The following TRPM3 variants were observed in gnomAD, a reference collection of about 807,000 sequenced individuals.
TRPM3 encodes long transient receptor potential channel 3.
TRPM3 carries 77 observed loss-of-function variants against 181.2 expected under a neutral mutation model. That is an observed-to-expected ratio of 0.42 (90% CI 0.35 to 0.51). The LOEUF (loss-of-function observed/expected upper bound fraction) is 0.51. Ranked by LOEUF, TRPM3 falls within the 20% of genes least tolerant of loss-of-function variation. The probability of loss-of-function intolerance (pLI) is 0.01; values close to 1 mark genes in which losing one functional copy is unlikely to be tolerated. For synonymous variants in TRPM3, 745 were observed against 796.4 expected, an observed-to-expected ratio of 0.94 and a Z score of 1.09; for missense variants, 1,759 against 2,196.7, an observed-to-expected ratio of 0.80 and a Z score of 3.98.
At chr9:71,128,378 T>C (rs1252408143) in intron 1 of TRPM3, among the ~76,000 whole-genome samples, 2 of 152,200 alleles carry the variant, frequency 1.3e-5, no homozygotes, top group African/African-American at 4.8e-5. Flanking sequence ...AAAATACAAC[T>C]TTATTCAGCC....
chr9:70,751,303 A>G (rs2076095780), intron 8 of TRPM3, among the ~76,000 whole-genome samples: 1 of 152,166 alleles, frequency 6.6e-6, no homozygotes, highest in Non-Finnish European at 1.5e-5. Context: ...GATGAAATGA[A>G]ATGCAAGACA....
rs2097126266 is a variant in TRPM3, at chr9:70,960,514, T to C, written c.178-96003A>G. Among the ~76,000 whole-genome samples, 4 of 152,150 alleles carry C rather than the reference T, an allele frequency of 2.6e-5. No individual in the cohort carries two copies. In the South Asian group the frequency reaches 8.3e-4, roughly 32 times the overall value. ...GAAGTACTTCCCATCCCTCTGAATATTGGTATTTTGAAGCATGATGATAAT... is the reference window on the plus strand; with the variant it reads ...GAAGTACTTCCCATCCCTCTGAATACTGGTATTTTGAAGCATGATGATAAT... On this transcript the variant is annotated intron_variant, in intron 1 of 25. Coordinates refer to ENST00000677713, the MANE Select transcript of TRPM3 (RefSeq NM_001366145.2).
chr9:71,268,935 G>A (rs944727599), intron 1 of TRPM3, among the ~76,000 whole-genome samples: 1 of 152,178 alleles, frequency 6.6e-6, no homozygotes, highest in Non-Finnish European at 1.5e-5. Flanking sequence ...TTCATGAGAG[G>A]AGTAAGGTTA....
chr9:70,807,195 G>A (rs1166003319), intron 6 of TRPM3, among the ~76,000 whole-genome samples: 3 of 152,134 alleles, frequency 2.0e-5, no homozygotes, highest in African/African-American at 7.2e-5. Flanking sequence ...TTATCATTTT[G>A]AATAAATGGA....
At chr9:70,810,963 C>T (rs1039991376) in intron 6 of TRPM3, among the ~76,000 whole-genome samples, 6 of 152,134 alleles carry the variant, frequency 3.9e-5, no homozygotes, top group African/African-American at 7.2e-5. Context: ...CCAATAGTGC[C>T]GTCAAGCTGT....
chr9:70,845,621 C>T (rs2132058697), intron 4 of TRPM3, among the ~76,000 whole-genome samples: 1 of 152,300 alleles, frequency 6.6e-6, no homozygotes, highest in South Asian at 2.1e-4. Context: ...TCCACATGTA[C>T]AGACTTTGGG....
intron 8 of TRPM3, among the ~76,000 whole-genome samples, chr9:70,756,757 A>T (rs1193719260): frequency 6.6e-6 from 1 of 152,228 alleles, no homozygotes; most frequent in Non-Finnish European, 1.5e-5. Flanking sequence ...AATGAAATTA[A>T]GGCAGAAATA....
intron 1 of TRPM3, among the ~76,000 whole-genome samples, chr9:70,920,975 C>T (rs1383278115): frequency 6.6e-6 from 1 of 152,146 alleles, no homozygotes; most frequent in East Asian, 1.9e-4. Context: ...TACATATTTT[C>T]CTTTGGTGTC....
intron 1 of TRPM3, among the ~76,000 whole-genome samples, chr9:71,082,713 T>C (rs1328410643): frequency 6.6e-6 from 1 of 152,136 alleles, no homozygotes; most frequent in Non-Finnish European, 1.5e-5. Flanking sequence ...TCAAGGTTGT[T>C]ACTGAAGTTA....
At chr9:70,991,114 T>C (rs1343415917) in intron 1 of TRPM3, among the ~76,000 whole-genome samples, 7 of 152,140 alleles carry the variant, frequency 4.6e-5, no homozygotes, top group African/African-American at 7.2e-5. Flanking sequence ...CCTCAAAATA[T>C]CCACCTCTAC....
chr9:71,328,284 C>T (rs1405630866), intron 1 of TRPM3, among the ~76,000 whole-genome samples: 1 of 152,178 alleles, frequency 6.6e-6, no homozygotes, highest in Non-Finnish European at 1.5e-5. Flanking sequence ...CTGCCTCAGC[C>T]TCCGGAGAAG....
At chr9:70,789,426 T>C (rs554987411) in intron 6 of TRPM3, among the ~76,000 whole-genome samples, 25 of 152,284 alleles carry the variant, frequency 1.6e-4, no homozygotes, top group Middle Eastern at 3.4e-3. Context: ...TAAAAGGTTG[T>C]TTAGATTTAA....
At chr9:70,964,972 G>C (rs2097171736) in intron 1 of TRPM3, among the ~76,000 whole-genome samples, 2 of 152,162 alleles carry the variant, frequency 1.3e-5, no homozygotes, top group African/African-American at 4.8e-5. Context: ...CAGTAAGCCA[G>C]TATCTGAACA....
chr9:71,165,649 C>G (rs73647957), intron 1 of TRPM3, among the ~76,000 whole-genome samples: 2,376 of 152,202 alleles, frequency 0.016, 73 homozygotes, highest in African/African-American at 0.055. Flanking sequence ...AATGAGGAAC[C>G]TAAAGGGTAG....
At chr9:70,694,865 C>T (rs191001268) in intron 8 of TRPM3, among the ~76,000 whole-genome samples, 87 of 152,324 alleles carry the variant, frequency 5.7e-4, no homozygotes, top group Non-Finnish European at 1.1e-3. Context: ...GACCATGGCA[C>T]CATGATCTCT....
chr9:71,079,458 G>C (rs915318457), intron 1 of TRPM3, among the ~76,000 whole-genome samples: 3 of 152,266 alleles, frequency 2.0e-5, no homozygotes, highest in African/African-American at 7.2e-5. Context: ...GGAGGTGTGT[G>C]ATCTCAGTTA....
intron 1 of TRPM3, among the ~76,000 whole-genome samples, chr9:71,395,773 T>C (rs1446842912): frequency 6.6e-6 from 1 of 152,216 alleles, no homozygotes; most frequent in Non-Finnish European, 1.5e-5. Context: ...GCAAGCTTCA[T>C]ATCAAAGAAA....
intron 1 of TRPM3, among the ~76,000 whole-genome samples, chr9:71,141,712 C>T (rs1160338153): frequency 2.6e-5 from 4 of 152,106 alleles, no homozygotes; most frequent in African/African-American, 4.8e-5. Context: ...TTATCACTAC[C>T]ACTTAAAATA....
At chr9:71,210,040 C>T (rs779578212) in intron 1 of TRPM3, among the ~76,000 whole-genome samples, 8 of 152,152 alleles carry the variant, frequency 5.3e-5, no homozygotes, top group South Asian at 4.1e-4. Context: ...AGGAACTGGG[C>T]GGCACAGCAG....
Sources: gnomAD v4.1 joint callset for allele counts (sites outside exome capture counted in the v4.1 genomes callset) on GRCh38, gnomAD v4.1.1 for gene constraint, MANE v1.5 for transcripts, NCBI Gene and HGNC (gene_info 2026-07-23, HGNC 2026-07-21) for gene names.